The following OGDH variants were observed in gnomAD, a reference collection of about 807,000 sequenced individuals.
OGDH encodes the protein 2-oxoglutarate dehydrogenase complex component E1.
Under a neutral mutation model 116.6 loss-of-function variants are expected in OGDH, and 38 were observed. That is an observed-to-expected ratio of 0.33 (90% CI 0.25 to 0.43). The LOEUF is 0.43. OGDH is among the 20% of genes least tolerant of loss of function. The probability of loss-of-function intolerance (pLI) is 1.00; values close to 1 mark genes in which losing one functional copy is unlikely to be tolerated. For missense variants in OGDH, 825 were observed against 1,357.2 expected (o/e 0.61, Z 6.16); for synonymous variants, 488 against 533.3 (o/e 0.92, Z 1.17).
intron 4 of OGDH, among the ~76,000 whole-genome samples, chr7:44,662,317 G>A (rs1005870466): frequency 5.9e-5 from 9 of 152,048 alleles, no homozygotes; most frequent in African/African-American, 2.2e-4. Context: ...GACAAACTTA[G>A]TTTTCCTTTG....
chr7:44,648,798 C>T (rs984136009), intron 4 of OGDH, among the ~76,000 whole-genome samples: 2 of 152,036 alleles, frequency 1.3e-5, no homozygotes, highest in African/African-American at 2.4e-5. Flanking sequence ...AGCCCTTTAG[C>T]GGATTTAGGA....
intron 2 of OGDH, among the ~76,000 whole-genome samples, chr7:44,637,689 A>G (rs1301235619): frequency 6.6e-6 from 1 of 152,136 alleles, no homozygotes; most frequent in Admixed American, 6.5e-5. Context: ...CGGTGCCTGT[A>G]ATCCCAGCTA....
At position 44,681,668 on chromosome 7, in the gene OGDH, G is replaced by T. The variant is rs562952116; in HGVS notation, c.1207-52G>T. 7.5e-5 allele frequency: 119 copies of T among 1,582,940 alleles called. No homozygotes were observed. In the East Asian group the frequency reaches 2.5e-3, roughly 33 times the overall value. The stretch of plus-strand genomic sequence containing the variant: ...GATGCATTTCCTCTGTTTACCTTGT[G>T]GACTTGGCAATCAGAACATTCTGGA... On this transcript the variant is annotated intron_variant, in intron 9 of 22. Coordinates refer to ENST00000222673, the MANE Select transcript of OGDH (RefSeq NM_002541.4).
chr7:44,704,421 A>G (rs1220039470), intron 20 of OGDH, among the ~76,000 whole-genome samples: 1 of 150,858 alleles, frequency 6.6e-6, no homozygotes, highest in Non-Finnish European at 1.5e-5. Context: ...GGATCTCTCT[A>G]TGTTGCCCAG....
chr7:44,696,111 G>T lies in OGDH; in HGVS notation c.1755G>T (p.Leu585=), dbSNP rs747034679. 2.5e-6 allele frequency: 4 copies of T among 1,607,412 alleles called. No individual in the cohort carries two copies. The highest frequency in any genetic ancestry group is 3.4e-6 in the Non-Finnish European group (4 of 1,173,898). ...AGATCTTGCACATTAAGCACTGGCT[G>T]GACTCTCCCTGGCCTGGTGAGTGAA... ...DEKILHIKHW[L]DSPWPGFFTL... Residue 585 remains leucine (L), a synonymous_variant, in exon 13 of 23, where the codon CTG becomes CTT. Transcript: ENST00000222673.
rs762717477 is a variant in OGDH, at chr7:44,624,462, A to G, written c.119A>G (p.Tyr40Cys). ...AGGACATTTCAACAGATTCGGTGCT[A>G]TTCTGCACCTGTTGCTGCTGAGCCC... Reference protein sequence around the residue: ...AARTFQQIRCYSAPVAAEPFL... With the variant: ...AARTFQQIRCCSAPVAAEPFL... The change falls in exon 2 of 23, where the codon TAT becomes TGT. Residue 40 changes from tyrosine to cysteine, a missense_variant. Physicochemically the swap from Tyr to Cys is radical, Grantham distance 194 (BLOSUM62 -2). This residue lies in a region of OGDH where 126 missense variants were observed against 130.4 expected (regional missense o/e 0.97). Coordinates refer to ENST00000222673, the MANE Select transcript of OGDH (RefSeq NM_002541.4). 6.2e-7 allele frequency: 1 copy of G among 1,613,720 alleles called. No individual in the cohort carries two copies. The highest frequency in any genetic ancestry group is 8.5e-7 in the Non-Finnish European group (1 of 1,179,898).
intron 2 of OGDH, among the ~76,000 whole-genome samples, chr7:44,627,295 A>G (rs1167098894): frequency 1.3e-5 from 2 of 152,120 alleles, no homozygotes; most frequent in Non-Finnish European, 2.9e-5. Context: ...GCGCCTGGCC[A>G]TGTGCATGTT....
At chr7:44,646,841 T>A (rs1351593369) in intron 3 of OGDH, among the ~76,000 whole-genome samples, 1 of 152,196 alleles carries the variant, frequency 6.6e-6, no homozygotes, top group East Asian at 1.9e-4. Context: ...CACGGGGATA[T>A]ATAATAAAGG....
chr7:44,697,795 C>T lies in OGDH; in HGVS notation c.2358+13C>T. On this transcript the variant is annotated intron_variant, in intron 17 of 22. Coordinates refer to ENST00000222673, the MANE Select transcript of OGDH (RefSeq NM_002541.4). This position sits in a 1 kb window ranked among gnomAD's most constrained non-coding sequence, Gnocchi z 6.0. ...CATGGAGGGCATGGTGAGCCTCTGGCCCTTCCCTGCCAGACCTAGGACTTG... is the reference window on the plus strand; with the variant it reads ...CATGGAGGGCATGGTGAGCCTCTGGTCCTTCCCTGCCAGACCTAGGACTTG... 4 of 1,609,130 alleles carry T rather than the reference C, an allele frequency of 2.5e-6. No homozygotes were observed. The highest frequency in any genetic ancestry group is 3.4e-6 in the Non-Finnish European group (4 of 1,177,534).
chr7:44,630,941 T>G (rs1161814220), intron 2 of OGDH, among the ~76,000 whole-genome samples: 1 of 152,168 alleles, frequency 6.6e-6, no homozygotes, highest in Non-Finnish European at 1.5e-5. Flanking sequence ...CACAATCCAG[T>G]TGGCTCTCCC....
Position 44,694,551 on chromosome 7 carries a change from G to A in OGDH, c.1643G>A (p.Gly548Asp). 6.2e-7 allele frequency: 1 copy of A among 1,614,146 alleles called. No homozygotes were observed. Among genetic ancestry groups the A allele is most frequent in the East Asian group, 2.2e-5 (1 of 44,870 alleles). The change falls in exon 12 of 23, where the codon GGT (glycine) becomes GAT (aspartate). Residue 548 changes from glycine (G) to aspartate (D), a missense_variant. Around this residue, in one of 7 missense-constraint regions of OGDH, gnomAD observed 146 missense variants for 317.3 expected, o/e 0.46. Coordinates refer to ENST00000222673, the MANE Select transcript of OGDH (RefSeq NM_002541.4). The surrounding 1 kb of genome is among the most constrained non-coding windows in gnomAD (Gnocchi z 4.2). ...QKYAELLVSQGVVNQPEYEEE... is the reference protein window; with the variant it reads ...QKYAELLVSQDVVNQPEYEEE... Reference sequence around the variant, plus strand: ...TACGCTGAGCTGCTGGTGTCGCAGGGTGTGGTCAACCAGCCTGAGTATGAG... The same window carrying A: ...TACGCTGAGCTGCTGGTGTCGCAGGATGTGGTCAACCAGCCTGAGTATGAG...
chr7:44,666,187 C>T (rs1787177190), intron 4 of OGDH, among the ~76,000 whole-genome samples: 1 of 152,176 alleles, frequency 6.6e-6, no homozygotes, highest in African/African-American at 2.4e-5. Context: ...GCACCCCTGC[C>T]TGGAGCTCCA....
intron 2 of OGDH, among the ~76,000 whole-genome samples, chr7:44,633,546 C>CT (rs1785537507): frequency 6.6e-6 from 1 of 152,194 alleles, no homozygotes; most frequent in Non-Finnish European, 1.5e-5. Flanking sequence ...TCTGGCTCCC[C>CT]TCCCCATCCA....
intron 1 of OGDH, among the ~76,000 whole-genome samples, chr7:44,616,689 A>T (rs776818021): frequency 6.1e-5 from 9 of 147,546 alleles, no homozygotes; most frequent in Non-Finnish European, 1.5e-5. Context: ...ACACATATGT[A>T]TATGTATATA....
rs1301918464 is a variant in OGDH at position 44,642,547 on chromosome 7, A to AATC, written c.223-2779_223-2777dup. On this transcript the variant is annotated intron_variant, in intron 2 of 22. Transcript: ENST00000222673. ...TGGGAGGTGCCAGAAGAGAACCCCA[A>AATC]ATCTGTCTTCTACATCAGACAATAC... Among the ~76,000 whole-genome samples the AATC allele has an allele frequency of 3.9e-5, 6 of 152,236 alleles. No individual in the cohort carries two copies. The East Asian group carries it at 1.2e-3, about 29-fold the overall frequency.
chr7:44,696,402 A>G, intron 13 of OGDH, 27 bp from the exon 14 acceptor site: 2 of 1,604,566 alleles, frequency 1.2e-6, no homozygotes, highest in Non-Finnish European at 1.7e-6. Flanking sequence ...AGCAGATGTC[A>G]TGCCTCAGTT....
At chr7:44,612,985 A>G (rs1483033994) in intron 1 of OGDH, among the ~76,000 whole-genome samples, 1 of 150,302 alleles carries the variant, frequency 6.7e-6, no homozygotes, top group East Asian at 2.0e-4. Flanking sequence ...GGTTCAAGCA[A>G]TTCTCCTGCC....
chr7:44,680,797 C>T (rs950840707), intron 9 of OGDH, among the ~76,000 whole-genome samples: 1 of 152,114 alleles, frequency 6.6e-6, no homozygotes, highest in Non-Finnish European at 1.5e-5. Flanking sequence ...TTCTGTTGGT[C>T]AGGAAGCAAG....
intron 1 of OGDH, chr7:44,622,798 T>A (rs1785053116): frequency 6.6e-6 from 1 of 152,202 alleles, no homozygotes; most frequent in African/African-American, 2.4e-5. Context: ...GCACCTTTTT[T>A]TCCACAGGCA....
Sources: allele counts gnomAD v4.1 joint callset (sites outside exome capture counted in the v4.1 genomes callset), GRCh38; gene constraint gnomAD v4.1.1; regional missense constraint gnomAD v4.1.1; non-coding constraint Gnocchi (gnomAD v3.1); transcripts MANE v1.5; gene names NCBI Gene and HGNC (gene_info 2026-07-23, HGNC 2026-07-21).